The following MINDY4 variants were observed in gnomAD, a reference collection of about 807,000 sequenced individuals.
MINDY4 encodes MINDY lysine 48 deubiquitinase 4.
A neutral mutation model predicts 87.0 loss-of-function variants in MINDY4; 68 were observed. The ratio of observed to expected loss-of-function variants is 0.78; its 90% CI spans 0.64 to 0.96. The LOEUF (loss-of-function observed/expected upper bound fraction) is 0.96, where lower values mean the gene tolerates loss of function less well. Among genes scored for constraint, MINDY4 ranks in the 40% least tolerant of loss-of-function variants. The pLI is 0.00. For synonymous variants in MINDY4, 379 were observed against 363.2 expected (o/e 1.04, Z -0.50); for missense variants, 919 against 928.2 (o/e 0.99, Z 0.13).
intron 6 of MINDY4, among the ~76,000 whole-genome samples, chr7:30,835,103 G>T (rs1258764736): frequency 6.6e-6 from 1 of 152,086 alleles, no homozygotes; most frequent in African/African-American, 2.4e-5. Flanking sequence ...CACTTTACTG[G>T]TACCAATTTA....
At chr7:30,881,038 A>G (rs1790449685) in intron 15 of MINDY4, among the ~76,000 whole-genome samples, 1 of 152,142 alleles carries the variant, frequency 6.6e-6, no homozygotes, top group South Asian at 2.1e-4. Flanking sequence ...AATAATTCCC[A>G]TTCTTTCTTT....
intron 6 of MINDY4, among the ~76,000 whole-genome samples, chr7:30,835,451 T>G (rs933988472): frequency 6.6e-5 from 10 of 152,168 alleles, no homozygotes; most frequent in African/African-American, 2.4e-4. Context: ...GAAATTTGGG[T>G]GGGGACACAG....
intron 17 of MINDY4, among the ~76,000 whole-genome samples, chr7:30,885,508 G>A (rs976545147): frequency 2.6e-5 from 4 of 152,098 alleles, no homozygotes; most frequent in East Asian, 3.9e-4. Flanking sequence ...GGGAAACTCC[G>A]TCTCAAAAAA....
rs1584242761 is a variant in MINDY4 at position 30,791,569 on chromosome 7, T to C, written c.1068T>C (p.Pro356=). 6.2e-7 allele frequency: 1 copy of C among 1,609,354 alleles called. No homozygotes were observed. The highest frequency in any genetic ancestry group is 8.5e-7 in the Non-Finnish European group (1 of 1,177,604). The change falls in exon 5 of 18, where the codon CCT becomes CCC. Residue 356 remains proline, a synonymous_variant. Coordinates refer to ENST00000265299, the MANE Select transcript of MINDY4 (RefSeq NM_032222.3). ...AFKRQGSQPA[P]VRKNQLLPSD... Reference sequence around the variant, plus strand: ...AACGGCAGGGCAGCCAGCCCGCACCTGTCAGGTGAGTGTGCTATGCAAAGG... The same window carrying C: ...AACGGCAGGGCAGCCAGCCCGCACCCGTCAGGTGAGTGTGCTATGCAAAGG...
intron 13 of MINDY4, among the ~76,000 whole-genome samples, chr7:30,863,468 A>C (rs144784246): frequency 6.6e-6 from 1 of 152,192 alleles, no homozygotes; most frequent in African/African-American, 2.4e-5. Context: ...TTGATTGTGT[A>C]CATGTGCATG....
chr7:30,808,776 T>C (rs1284039330), intron 5 of MINDY4, among the ~76,000 whole-genome samples: 1 of 152,098 alleles, frequency 6.6e-6, no homozygotes, highest in African/African-American at 2.4e-5. Context: ...TTCCTGTACA[T>C]AGACACTTGG....
At chr7:30,772,132 GTC>G (rs1786660916) in intron 1 of MINDY4, among the ~76,000 whole-genome samples, 1 of 152,190 alleles carries the variant, frequency 6.6e-6, no homozygotes, top group Non-Finnish European at 1.5e-5. Context: ...GTCCTTAGCT[GTC>G]ATCTGGCCTC....
chr7:30,875,344 G>T, intron 14 of MINDY4, 151 bp from the exon 15 acceptor site: 1 of 863,528 alleles, frequency 1.2e-6, no homozygotes, highest in Non-Finnish European at 1.9e-6. Flanking sequence ...ACTTGTGGGA[G>T]AATTGAAGTC....
chr7:30,859,331 A>G lies in MINDY4; in HGVS notation c.1745+7A>G, dbSNP rs773997079. On this transcript the variant is annotated splice_region_variant and intron_variant, in intron 13 of 17. Coordinates refer to ENST00000265299, the MANE Select transcript of MINDY4 (RefSeq NM_032222.3). ...TGTCCAGGTCTACAGAGCTGTGAGTATCTTTCTCCCTCAACTCCCTGGGGC... is the reference window on the plus strand; with the variant it reads ...TGTCCAGGTCTACAGAGCTGTGAGTGTCTTTCTCCCTCAACTCCCTGGGGC... The G allele has an allele frequency of 6.2e-6, 10 of 1,613,708 alleles. No homozygotes were observed. The highest frequency in any genetic ancestry group is 1.3e-5 in the African/African-American group (1 of 75,000).
At chr7:30,853,567 GA>G in intron 12 of MINDY4, 108 bp downstream of exon 12, 4 of 996,782 alleles carry the variant, frequency 4.0e-6, no homozygotes, top group Non-Finnish European at 6.2e-6. Flanking sequence ...CCCACCCTGG[GA>G]TGGCGAGGAA....
chr7:30,780,613 T>G (rs1786978880), intron 2 of MINDY4: 1 of 152,224 alleles, frequency 6.6e-6, no homozygotes, highest in Non-Finnish European at 1.5e-5. Context: ...AAAGCTCGCC[T>G]GATTCCAGGA....
At position 30,883,887 on chromosome 7, in the gene MINDY4, T is replaced by A. The variant is rs183378421; in HGVS notation, c.2225+894T>A. Among the ~76,000 whole-genome samples the A allele has an allele frequency of 4.6e-5, 7 of 152,236 alleles. No individual in the cohort carries two copies. In the East Asian group the frequency reaches 1.2e-3, roughly 25 times the overall value. ...GTTGCTGCTTCTTGGTGTGAGCCAC[T>A]GGACCTCACCTTCCTGCACCCCACT... On this transcript the variant is annotated intron_variant, in intron 17 of 17. Transcript: ENST00000265299.
intron 5 of MINDY4, among the ~76,000 whole-genome samples, chr7:30,821,563 T>C (rs187700280): frequency 2.4e-4 from 37 of 152,334 alleles, no homozygotes; most frequent in African/African-American, 7.9e-4. Context: ...GGTATGCATT[T>C]ATTTTTACAT....
chr7:30,834,989 C>T (rs772713185), intron 6 of MINDY4, among the ~76,000 whole-genome samples: 1 of 152,256 alleles, frequency 6.6e-6, no homozygotes, highest in Non-Finnish European at 1.5e-5. Context: ...AACTTTCCCA[C>T]ATTTTCCTGT....
chr7:30,829,598 G>A (rs1330888718), intron 6 of MINDY4, among the ~76,000 whole-genome samples: 2 of 152,166 alleles, frequency 1.3e-5, no homozygotes, highest in East Asian at 1.9e-4. Flanking sequence ...GCTTTGATGA[G>A]ATTGAAAGAA....
rs376254800 is a variant in MINDY4, at chr7:30,771,555, A to G, written c.62A>G (p.Lys21Arg). 31 of 1,597,162 alleles carry G rather than the reference A, an allele frequency of 1.9e-5. No individual in the cohort carries two copies. In the East Asian group the frequency reaches 2.5e-4, roughly 13 times the overall value. The change falls in exon 1 of 18, where the codon AAG becomes AGG. Residue 21 changes from lysine to arginine, a missense_variant and splice_region_variant. By Grantham distance (26) the Lys-to-Arg change is conservative. Transcript: ENST00000265299. ...ASLVREFLSR[K>R]GLKKTCVTMD... is the part of the protein sequence containing the mutation. Reference sequence around the variant, plus strand: ...TTGGTCAGGGAGTTCCTCAGCAGAAAGGTAACGGCTCGCCCCCTCCAAAGC... The same window carrying G: ...TTGGTCAGGGAGTTCCTCAGCAGAAGGGTAACGGCTCGCCCCCTCCAAAGC...
At chr7:30,778,691 C>G in intron 2 of MINDY4, 140 bp downstream of exon 2, 1 of 1,011,320 alleles carries the variant, frequency 9.9e-7, no homozygotes, top group Non-Finnish European at 1.5e-6. Flanking sequence ...AAACGGACCC[C>G]CCAAATGTGG....
intron 17 of MINDY4, among the ~76,000 whole-genome samples, chr7:30,886,371 G>T (rs1790631794): frequency 6.6e-6 from 1 of 152,218 alleles, no homozygotes; most frequent in African/African-American, 2.4e-5. Context: ...CCTGTTACCA[G>T]TCCAGGGAAA....
At chr7:30,872,061 G>T (rs1790121455) in intron 13 of MINDY4, among the ~76,000 whole-genome samples, 182 bp from the exon 14 acceptor site, 1 of 152,152 alleles carries the variant, frequency 6.6e-6, no homozygotes, top group South Asian at 2.1e-4. Flanking sequence ...CTGGGCTCTA[G>T]CCCCATCCCT....
Sources: gnomAD v4.1 joint callset for allele counts (sites outside exome capture counted in the v4.1 genomes callset) on GRCh38, gnomAD v4.1.1 for gene constraint, MANE v1.5 for transcripts, NCBI Gene and HGNC (gene_info 2026-07-23, HGNC 2026-07-21) for gene names.